MTMR1: variants seen among roughly 807,000 people sequenced by gnomAD.
MTMR1 encodes phosphatidylinositol-3-phosphate phosphatase MTMR1.
In MTMR1, 17 loss-of-function variants were observed where a neutral mutation model predicts 51.6. That is an observed-to-expected ratio of 0.33 (90% CI 0.23 to 0.49). The LOEUF (loss-of-function observed/expected upper bound fraction) is 0.49, where lower values mean the gene tolerates loss of function less well. Among genes scored for constraint, MTMR1 ranks in the 20% least tolerant of loss-of-function variants. MTMR1 has a pLI of 0.99. For missense variants in MTMR1, 386 were observed against 526.9 expected (o/e 0.73, Z 2.62); for synonymous variants, 201 against 205.6 (o/e 0.98, Z 0.19).
In MTMR1 at chrX:150,755,025, C is replaced by CA. The variant is rs34113407; in HGVS notation, c.1681-645dup. Among the ~76,000 whole-genome samples, 84 of 55,016 alleles carry CA rather than the reference C, an allele frequency of 1.5e-3. 1 individual carries two copies. The East Asian group carries it at 0.022, about 15-fold the overall frequency. 47.8% of individuals were successfully genotyped at this position (55,016 alleles called of 115,157 possible). A position where few individuals can be genotyped will look rare whatever the true frequency, so the allele number is the denominator to read the frequency against. On this transcript the variant is annotated intron_variant, in intron 14 of 15. Coordinates refer to ENST00000445323, the MANE Select transcript of MTMR1 (RefSeq NM_001306144.3). ...TGGGTGACAGAGTGAGACTCCATCT[C>CA]AAAAAAAAAAAAAAAAAAAGGAGTC...
intron 15 of MTMR1, among the ~76,000 whole-genome samples, chrX:150,759,279 C>G (rs925697112): frequency 8.9e-6 from 1 of 112,405 alleles, no homozygotes; most frequent in Non-Finnish European, 1.9e-5. Context: ...TTATTCTGTC[C>G]TGGGTGGCTT....
At chrX:150,759,661 A>G (rs1023982784) in intron 15 of MTMR1, among the ~76,000 whole-genome samples, 4 of 109,254 alleles carry the variant, frequency 3.7e-5, no homozygotes, top group African/African-American at 1.3e-4. Context: ...CTTTCCTAAA[A>G]CCTACAAACT....
chrX:150,752,193 T>G (rs979924282), intron 14 of MTMR1, among the ~76,000 whole-genome samples: 1 of 111,079 alleles, frequency 9.0e-6, no homozygotes, highest in Non-Finnish European at 1.9e-5. Flanking sequence ...GCTAGGATTA[T>G]TGGCCCAAAG....
chrX:150,759,926 G>C (rs1487213281), intron 15 of MTMR1, among the ~76,000 whole-genome samples: 2 of 109,424 alleles, frequency 1.8e-5, no homozygotes, highest in African/African-American at 6.5e-5. Flanking sequence ...GTTGTGGAAG[G>C]ATGCCCCCGA....
At chrX:150,712,881 A>G (rs1557416264) in intron 3 of MTMR1, 1 of 769,008 alleles carries the variant, frequency 1.3e-6, no homozygotes. Flanking sequence ...CTATTTTTTA[A>G]AATACAGATA....
At chrX:150,737,589 C>A in intron 12 of MTMR1, 141 bp downstream of exon 12, 1 of 482,970 alleles carries the variant, frequency 2.1e-6, no homozygotes. Context: ...CCTGAATTGC[C>A]ATAATAAAAT....
At chrX:150,726,778 G>A (rs2041953390) in intron 4 of MTMR1, among the ~76,000 whole-genome samples, 1 of 112,211 alleles carries the variant, frequency 8.9e-6, no homozygotes, top group African/African-American at 3.2e-5. Flanking sequence ...TGTGGTTCTA[G>A]GTTTTGTCTT....
At chrX:150,750,930 G>T in intron 14 of MTMR1, 87 bp downstream of exon 14, 1 of 1,026,210 alleles carries the variant, frequency 9.7e-7, no homozygotes, top group Non-Finnish European at 1.3e-6. Context: ...GCTGAGGGGA[G>T]GGAGGACTGC....
At chrX:150,703,792 C>T (rs1458861545) in intron 2 of MTMR1, among the ~76,000 whole-genome samples, 1 of 111,752 alleles carries the variant, frequency 8.9e-6, no homozygotes, top group Non-Finnish European at 1.9e-5. Flanking sequence ...ACTCAGATGC[C>T]TTCATGGAAC....
chrX:150,752,077 C>T (rs1442174119), intron 14 of MTMR1, among the ~76,000 whole-genome samples: 3 of 109,392 alleles, frequency 2.7e-5, no homozygotes, highest in African/African-American at 6.7e-5. Flanking sequence ...CCACCACGCC[C>T]GGCTAATTTT....
At chrX:150,744,258 A>G (rs1377358303) in intron 12 of MTMR1, 103 bp from the exon 13 acceptor site, 285 of 544,727 alleles carry the variant, frequency 5.2e-4, no homozygotes, top group Non-Finnish European at 2.0e-4. Flanking sequence ...CAGGAATTCT[A>G]TTAGGCCTGA....
Position 150,718,621 on chromosome X carries a change from C to T in MTMR1, c.277-4C>T. 1 of 294,999 alleles carries T rather than the reference C, an allele frequency of 3.4e-6. No individual in the cohort carries two copies. Among genetic ancestry groups the T allele is most frequent in the Non-Finnish European group, 5.2e-6 (1 of 192,933 alleles). The allele number at this position is 294,999 out of a possible 1,213,427, so 24.3% of individuals were successfully genotyped here. On this transcript the variant is annotated splice_polypyrimidine_tract_variant and splice_region_variant and intron_variant, in intron 3 of 15. Transcript: ENST00000445323. ...TTTTTTTTTTTTTTTTTTTTTTTTG[C>T]CAGGCTCTAAGGGATGGAAATAAGC...
intron 13 of MTMR1, among the ~76,000 whole-genome samples, chrX:150,745,449 C>T (rs184181451): frequency 1.8e-5 from 2 of 111,925 alleles, no homozygotes; most frequent in Admixed American, 9.5e-5. Flanking sequence ...TTGATCCTCC[C>T]GCAGCCTTAT....
At chrX:150,760,522 G>A (rs782735201) in intron 15 of MTMR1, among the ~76,000 whole-genome samples, 38 of 112,125 alleles carry the variant, frequency 3.4e-4, no homozygotes, top group South Asian at 1.5e-3. Flanking sequence ...GTACCCATGC[G>A]GCAAACATGA....
intron 4 of MTMR1, among the ~76,000 whole-genome samples, chrX:150,724,954 C>G (rs1557416715): frequency 1.8e-5 from 2 of 112,056 alleles, no homozygotes; most frequent in South Asian, 3.7e-4. Flanking sequence ...TGTTTTTGTA[C>G]CAGTACCATG....
At chrX:150,705,784 C>CA (rs2041078676) in intron 2 of MTMR1, among the ~76,000 whole-genome samples, 1 of 111,302 alleles carries the variant, frequency 9.0e-6, no homozygotes, top group Non-Finnish European at 1.9e-5. Context: ...ACACAGTAAG[C>CA]AAAAAAACCT....
At chrX:150,716,934 G>C (rs1557416407) in intron 3 of MTMR1, among the ~76,000 whole-genome samples, 9 of 112,006 alleles carry the variant, frequency 8.0e-5, no homozygotes. Context: ...ATTTTCCACT[G>C]AACACTAGTG....
At chrX:150,762,088 A>G (rs1345400925) in intron 15 of MTMR1, among the ~76,000 whole-genome samples, 5 of 112,712 alleles carry the variant, frequency 4.4e-5, no homozygotes, top group Admixed American at 3.7e-4. Context: ...TTCAAGTTGT[A>G]AAAAGTGCTG....
intron 9 of MTMR1, among the ~76,000 whole-genome samples, chrX:150,732,316 G>A (rs940577439): frequency 3.6e-5 from 4 of 111,452 alleles, no homozygotes; most frequent in Admixed American, 1.9e-4. Context: ...GAATATTGGG[G>A]ATGGAAGGGG....
Sources: gnomAD v4.1 joint callset for allele counts (sites outside exome capture counted in the v4.1 genomes callset) on GRCh38, gnomAD v4.1.1 for gene constraint, MANE v1.5 for transcripts, NCBI Gene and HGNC (gene_info 2026-07-23, HGNC 2026-07-21) for gene names.